Variants in KCMF1 observed in about 807,000 individuals in gnomAD.
The protein encoded by KCMF1 is E3 ubiquitin-protein ligase KCMF1.
A neutral mutation model predicts 41.1 loss-of-function variants in KCMF1; 3 were observed. That is an observed-to-expected ratio of 0.07 (90% confidence interval 0.03 to 0.19). KCMF1 has a LOEUF of 0.19. Among genes scored for constraint, KCMF1 ranks in the 10% least tolerant of loss-of-function variants. KCMF1 has a pLI of 1.00. For missense variants in KCMF1, 286 were observed against 488.9 expected (o/e 0.58, Z 3.91); for synonymous variants, 142 against 164.5 (o/e 0.86, Z 1.04).
rs1371674981 is a variant in KCMF1, at chr2:85,059,273, A to C, written c.*5864A>C. 1 of 152,222 alleles carries C rather than the reference A, an allele frequency of 6.6e-6. No homozygotes were observed. The highest frequency in any genetic ancestry group is 1.5e-5 in the Non-Finnish European group (1 of 68,038). The allele number at this position is 152,222 out of a possible 1,614,324, so 9.4% of individuals were successfully genotyped here. A position where few individuals can be genotyped will look rare whatever the true frequency, so the allele number is the denominator to read the frequency against. ...ATTGCCCTATCGGATAGCAGCCACCATGTGTGCTGACCACTCACGATTCAG... is the reference window on the plus strand; with the variant it reads ...ATTGCCCTATCGGATAGCAGCCACCCTGTGTGCTGACCACTCACGATTCAG... On this transcript the variant is annotated 3_prime_UTR_variant, in exon 7 of 7. Coordinates refer to ENST00000409785, the MANE Select transcript of KCMF1 (RefSeq NM_020122.5).
chr2:85,003,384 A>G (rs1674381115), intron 1 of KCMF1, among the ~76,000 whole-genome samples: 1 of 152,068 alleles, frequency 6.6e-6, no homozygotes, highest in Admixed American at 6.6e-5. Flanking sequence ...AGGCTGAGGC[A>G]GGAGAATGGT....
intron 1 of KCMF1, among the ~76,000 whole-genome samples, chr2:84,991,593 C>T (rs1674044323): frequency 6.6e-6 from 1 of 152,166 alleles, no homozygotes; most frequent in South Asian, 2.1e-4. Context: ...TGTGCCAGTG[C>T]TACAGTGAGA....
At chr2:85,049,799 G>C (rs1454822470) in intron 6 of KCMF1, among the ~76,000 whole-genome samples, 151 bp downstream of exon 6, 1 of 152,132 alleles carries the variant, frequency 6.6e-6, no homozygotes, top group Non-Finnish European at 1.5e-5. Context: ...CGCATATTCA[G>C]TATTTCCCCA....
rs1289631905 is a variant in KCMF1, at chr2:84,971,353, A to C, written c.-99A>C. The C allele has an allele frequency of 1.1e-4, 68 of 636,092 alleles. No individual in the cohort carries two copies. The highest frequency in any genetic ancestry group is 1.3e-4 in the Non-Finnish European group (66 of 502,636). 39.4% of individuals were successfully genotyped at this position (636,092 alleles called of 1,614,324 possible). On this transcript the variant is annotated 5_prime_UTR_variant, in exon 1 of 7. Coordinates refer to ENST00000409785, the MANE Select transcript of KCMF1 (RefSeq NM_020122.5). ...CCCCCGCGGCCGAGCCCGGGAGTCG[A>C]GTGGGAGTCGGCCGGCCGGCGCGGG...
At chr2:85,009,805 C>A (rs1468108720) in intron 1 of KCMF1, among the ~76,000 whole-genome samples, 1 of 152,196 alleles carries the variant, frequency 6.6e-6, no homozygotes, top group African/African-American at 2.4e-5. Flanking sequence ...TAAACTTCTA[C>A]TTTCCACTTG....
intron 1 of KCMF1, among the ~76,000 whole-genome samples, chr2:84,996,909 G>A (rs1004147796): frequency 4.6e-5 from 7 of 152,076 alleles, no homozygotes; most frequent in African/African-American, 1.4e-4. Context: ...AAACCTAGAC[G>A]GTATAGCCTA....
intron 1 of KCMF1, among the ~76,000 whole-genome samples, chr2:84,976,697 A>G (rs1407156627): frequency 6.6e-6 from 1 of 151,832 alleles, no homozygotes; most frequent in Non-Finnish European, 1.5e-5. Context: ...CTGATTTATA[A>G]TTTCTCTAGC....
intron 2 of KCMF1, among the ~76,000 whole-genome samples, chr2:85,033,249 C>G (rs1675321782): frequency 1.3e-5 from 2 of 152,154 alleles, no homozygotes; most frequent in Admixed American, 1.3e-4. Flanking sequence ...CTTCCATTTT[C>G]TTTTCTCACA....
chr2:85,020,667 A>G (rs774705724), intron 1 of KCMF1, among the ~76,000 whole-genome samples: 4 of 152,140 alleles, frequency 2.6e-5, no homozygotes, highest in Admixed American at 6.6e-5. Flanking sequence ...CACTCAAACA[A>G]TCTGTTCCCT....
chr2:85,055,831 A>G lies in KCMF1; in HGVS notation c.*2422A>G, dbSNP rs771596433. ...ATATACCACTGTTTATTTTGGCAGC[A>G]CCTTCAAATTTCTAAGGACCAGATC... On this transcript the variant is annotated 3_prime_UTR_variant, in exon 7 of 7. Transcript: ENST00000409785. 6.6e-6 allele frequency: 1 copy of G among 152,140 alleles called. No individual in the cohort carries two copies. The highest frequency in any genetic ancestry group is 2.4e-5 in the African/African-American group (1 of 41,440). The allele number at this position is 152,140 out of a possible 1,614,324, so 9.4% of individuals were successfully genotyped here. A position where few individuals can be genotyped will look rare whatever the true frequency, so the allele number is the denominator to read the frequency against.
intron 3 of KCMF1, among the ~76,000 whole-genome samples, chr2:85,038,863 G>A (rs1361099193): frequency 6.6e-6 from 1 of 152,102 alleles, no homozygotes; most frequent in African/African-American, 2.4e-5. Context: ...CCAGTTTGAA[G>A]AAATAATGAA....
chr2:85,026,208 C>G (rs1675099153), intron 1 of KCMF1, among the ~76,000 whole-genome samples: 1 of 151,954 alleles, frequency 6.6e-6, no homozygotes, highest in Non-Finnish European at 1.5e-5. Flanking sequence ...TCAGGGTGGT[C>G]TTGAACTCCT....
rs184521505 is a variant in KCMF1, at chr2:84,993,878, C to G, written c.16+22411C>G. Among the ~76,000 whole-genome samples, 119 of 148,744 alleles carry G rather than the reference C, an allele frequency of 8.0e-4. 1 individual carries two copies. Among genetic ancestry groups the G allele is most frequent in the African/African-American group, 2.9e-3 (117 of 40,400 alleles). ...GGTGTGAGCTACTGCGCTTGACCTA[C>G]CCCCCATTTTTGAGTTTGAACATTT... On this transcript the variant is annotated intron_variant, in intron 1 of 6. Transcript: ENST00000409785.
chr2:85,051,420 C>CTTGCCCTATCCTTTTTT (rs1553383883), intron 6 of KCMF1, among the ~76,000 whole-genome samples: 27 of 151,668 alleles, frequency 1.8e-4, no homozygotes, highest in African/African-American at 6.1e-4. Context: ...CCTACCCACC[C>CTTGCCCTATCCTTTTTT]TTGCCCTATC....
At chr2:84,983,987 A>G (rs988362134) in intron 1 of KCMF1, among the ~76,000 whole-genome samples, 36 of 151,990 alleles carry the variant, frequency 2.4e-4, no homozygotes, top group African/African-American at 8.5e-4. Flanking sequence ...TTTTAATTCA[A>G]ATGCTAAATT....
intron 3 of KCMF1, among the ~76,000 whole-genome samples, chr2:85,043,199 A>G (rs1023818929): frequency 1.3e-5 from 2 of 152,228 alleles, no homozygotes; most frequent in African/African-American, 2.4e-5. Flanking sequence ...GAAGTGTGCC[A>G]TAGGCTTGTA....
chr2:85,032,506 A>G (rs192013411), intron 2 of KCMF1, among the ~76,000 whole-genome samples: 1,916 of 152,114 alleles, frequency 0.013, 54 homozygotes, highest in African/African-American at 0.045. Flanking sequence ...CCTCCTGAGT[A>G]GCTGAGACTA....
chr2:85,030,737 C>T (rs1244959385), intron 2 of KCMF1, among the ~76,000 whole-genome samples: 1 of 152,176 alleles, frequency 6.6e-6, no homozygotes, highest in Non-Finnish European at 1.5e-5. Context: ...CTCACTTTCA[C>T]CCAGGCTGGA....
chr2:85,050,419 A>G (rs1173868901), intron 6 of KCMF1, among the ~76,000 whole-genome samples: 1 of 152,206 alleles, frequency 6.6e-6, no homozygotes, highest in African/African-American at 2.4e-5. Flanking sequence ...TTGGCACACA[A>G]AAGTAACTTA....
Sources: gnomAD v4.1 joint callset for allele counts (sites outside exome capture counted in the v4.1 genomes callset) on GRCh38, gnomAD v4.1.1 for gene constraint, MANE v1.5 for transcripts, NCBI Gene and HGNC (gene_info 2026-07-23, HGNC 2026-07-21) for gene names.